FTO: variants seen among roughly 807,000 people sequenced by gnomAD.
FTO encodes the protein alpha-ketoglutarate-dependent dioxygenase FTO.
FTO carries 47 observed loss-of-function variants against 63.9 expected under a neutral mutation model. That is an observed-to-expected ratio of 0.74 (90% CI 0.58 to 0.94). FTO has a LOEUF of 0.94. FTO is among the 40% of genes least tolerant of loss of function. The pLI, the probability that FTO is intolerant of heterozygous loss-of-function variation, is 0.00. For missense variants in FTO, 562 were observed against 618.1 expected (o/e 0.91, Z 0.96); for synonymous variants, 207 against 224.4 (o/e 0.92, Z 0.69).
At chr16:53,965,235 G>A (rs555592591) in intron 8 of FTO, among the ~76,000 whole-genome samples, 3 of 152,170 alleles carry the variant, frequency 2.0e-5, no homozygotes, top group East Asian at 3.9e-4. Flanking sequence ...CACCACGCCT[G>A]GCTTGTTTTT....
At position 53,856,319 on chromosome 16, in the gene FTO, G is replaced by T. The variant is rs372374804; in HGVS notation, c.895+12021G>T. On this transcript the variant is annotated intron_variant, in intron 4 of 8. Coordinates refer to ENST00000471389, the MANE Select transcript of FTO (RefSeq NM_001080432.3). ...CAGACTATATACCTCATGCTGGAAG[G>T]TTCCTTAGACTTTGTAATCTAAGCC... Among the ~76,000 whole-genome samples, 1,005 of 150,836 alleles carry T rather than the reference G, an allele frequency of 6.7e-3. 13 individuals are homozygous for T. Among genetic ancestry groups the T allele is most frequent in the African/African-American group, 0.023 (936 of 41,070 alleles).
At chr16:53,723,166 G>A (rs370656678) in intron 1 of FTO, among the ~76,000 whole-genome samples, 4 of 152,158 alleles carry the variant, frequency 2.6e-5, no homozygotes, top group African/African-American at 9.7e-5. Context: ...TATATTTTAT[G>A]TCTGCAGAAG....
intron 4 of FTO, among the ~76,000 whole-genome samples, chr16:53,858,255 T>C (rs2080067210): frequency 6.6e-6 from 1 of 152,208 alleles, no homozygotes; most frequent in Admixed American, 6.5e-5. Context: ...AACTGATGCC[T>C]TCTTTGACTG....
chr16:53,748,973 C>A (rs1196017029), intron 1 of FTO, among the ~76,000 whole-genome samples: 1 of 151,678 alleles, frequency 6.6e-6, no homozygotes, highest in East Asian at 1.9e-4. Flanking sequence ...ACCATGTGGG[C>A]CAGGCTGGTC....
chr16:54,075,908 G>A (rs1285796796), intron 8 of FTO, among the ~76,000 whole-genome samples: 1 of 152,084 alleles, frequency 6.6e-6, no homozygotes, highest in Non-Finnish European at 1.5e-5. Context: ...TGAGTAGAAA[G>A]GATCACAATT....
chr16:53,997,777 C>T (rs8062658), intron 8 of FTO, among the ~76,000 whole-genome samples: 105,648 of 151,596 alleles, frequency 0.7, 38,086 homozygotes, highest in African/African-American at 0.89. Context: ...CTTGTTATTT[C>T]AAAAATATTT....
At chr16:53,889,422 G>C (rs2081091996) in intron 7 of FTO, among the ~76,000 whole-genome samples, 2 of 152,184 alleles carry the variant, frequency 1.3e-5, no homozygotes, top group South Asian at 4.1e-4. Flanking sequence ...TGGAAACTCA[G>C]GCAGGCTGGC....
intron 4 of FTO, among the ~76,000 whole-genome samples, chr16:53,849,326 A>G (rs1309084033): frequency 2.0e-5 from 3 of 152,216 alleles, no homozygotes; most frequent in African/African-American, 4.8e-5. Context: ...GTAAGTGCAG[A>G]CTTGTGAAGA....
At chr16:54,059,235 C>T (rs1011239697) in intron 8 of FTO, among the ~76,000 whole-genome samples, 3 of 152,142 alleles carry the variant, frequency 2.0e-5, no homozygotes, top group Admixed American at 1.3e-4. Flanking sequence ...CTCATCTAGC[C>T]CACATTAAGG....
chr16:53,944,016 A>G (rs971355898), intron 8 of FTO, among the ~76,000 whole-genome samples: 1 of 152,226 alleles, frequency 6.6e-6, no homozygotes, highest in Non-Finnish European at 1.5e-5. Context: ...GAGAATGGGC[A>G]AAGCCATACC....
intron 1 of FTO, among the ~76,000 whole-genome samples, chr16:53,751,452 C>T (rs1447456981): frequency 6.6e-6 from 1 of 151,224 alleles, no homozygotes; most frequent in Non-Finnish European, 1.5e-5. Context: ...AGCGAGACTC[C>T]ATCTCAAAAA....
chr16:53,729,956 A>G (rs1317958331), intron 1 of FTO, among the ~76,000 whole-genome samples: 1 of 152,078 alleles, frequency 6.6e-6, no homozygotes, highest in African/African-American at 2.4e-5. Context: ...CTGCGCTTTT[A>G]TTCCTCTCTT....
intron 1 of FTO, among the ~76,000 whole-genome samples, chr16:53,772,431 A>G (rs1464666793): frequency 1.3e-5 from 2 of 152,136 alleles, no homozygotes; most frequent in South Asian, 4.1e-4. Context: ...AGTACTCCCT[A>G]CTTCATGGCC....
intron 4 of FTO, among the ~76,000 whole-genome samples, chr16:53,855,528 A>G (rs910107608): frequency 4.6e-5 from 7 of 151,522 alleles, no homozygotes; most frequent in Admixed American, 1.3e-4. Flanking sequence ...AAGTGAATGA[A>G]TGAACCAAGA....
rs185168942 is a variant in FTO, at chr16:54,025,985, C to G, written c.1365-85777C>G. Among the ~76,000 whole-genome samples the G allele has an allele frequency of 3.3e-5, 5 of 152,006 alleles. No homozygotes were observed. The East Asian group carries it at 9.7e-4, about 29-fold the overall frequency. ...CTGAGATCACGCCACTGCACTCAAC[C>G]TGGGCAACAGAGCAAGGCTCTGGCT... On this transcript the variant is annotated intron_variant, in intron 8 of 8. Coordinates refer to ENST00000471389, the MANE Select transcript of FTO (RefSeq NM_001080432.3).
At chr16:53,864,714 A>T (rs905219832) in intron 4 of FTO, among the ~76,000 whole-genome samples, 1 of 152,144 alleles carries the variant, frequency 6.6e-6, no homozygotes, top group African/African-American at 2.4e-5. Context: ...ACATTCTTTA[A>T]TTTATTTTTT....
At chr16:54,079,302 C>T (rs572301437) in intron 8 of FTO, among the ~76,000 whole-genome samples, 96 of 152,212 alleles carry the variant, frequency 6.3e-4, no homozygotes, top group Non-Finnish European at 1.1e-3. Flanking sequence ...ATGGCCAAAC[C>T]AAGAATGAAG....
At chr16:54,065,057 C>T (rs2085688161) in intron 8 of FTO, among the ~76,000 whole-genome samples, 1 of 151,796 alleles carries the variant, frequency 6.6e-6, no homozygotes, top group African/African-American at 2.4e-5. Flanking sequence ...GGCACCAAGG[C>T]ACGTACCACT....
intron 1 of FTO, among the ~76,000 whole-genome samples, chr16:53,789,160 G>A (rs994697204): frequency 6.6e-6 from 1 of 152,148 alleles, no homozygotes; most frequent in Non-Finnish European, 1.5e-5. Flanking sequence ...GAGATACCCT[G>A]GAAATGGAAC....
Sources: gnomAD v4.1 joint callset for allele counts (sites outside exome capture counted in the v4.1 genomes callset) on GRCh38, gnomAD v4.1.1 for gene constraint, MANE v1.5 for transcripts, NCBI Gene and HGNC (gene_info 2026-07-23, HGNC 2026-07-21) for gene names.